The following HPR variants were observed in gnomAD, a reference collection of about 807,000 sequenced individuals.
The protein encoded by HPR is Haptoglobin-related locus.
HPR carries 17 observed loss-of-function variants against 18.5 expected under a neutral mutation model. That is an observed-to-expected ratio of 0.92 (90% CI 0.63 to 1.38). The LOEUF is 1.38. HPR is among the 40% of genes most tolerant of loss of function. HPR has a pLI of 0.00. For synonymous variants in HPR, 176 were observed against 165.0 expected, an observed-to-expected ratio of 1.07 and a Z score of -0.51; for missense variants, 457 against 432.4, an observed-to-expected ratio of 1.06 and a Z score of -0.51.
In HPR at chr16:72,075,129, T is replaced by C. The variant is rs985967804; in HGVS notation, c.194-16T>C. On this transcript the variant is annotated splice_polypyrimidine_tract_variant and intron_variant, in intron 3 of 4. Coordinates refer to ENST00000540303, the MANE Select transcript of HPR (RefSeq NM_020995.4). ...CTTGACTTTTCCTTTGGCTCATTTC[T>C]TGCCTTTTGTTTCAGGAGTATACAC... 11 of 967,040 alleles carry C rather than the reference T, an allele frequency of 1.1e-5. No homozygotes were observed. The highest frequency in any genetic ancestry group is 1.6e-5 in the Non-Finnish European group (10 of 610,340). The allele number at this position is 967,040 out of a possible 1,614,324, so 59.9% of individuals were successfully genotyped here.
Position 72,077,034 on chromosome 16 carries a change from G to A in HPR, c.1000G>A (p.Val334Met), listed in dbSNP as rs568705384. ...GGCTGAGTATGGTGTGTATGTGAAG[G>A]TGACTTCCATCCAGCACTGGGTTCA... ...AVAEYGVYVK[V>M]TSIQHWVQKT... The change falls in exon 5 of 5, where the codon GTG (valine) becomes ATG (methionine). Residue 334 changes from valine to methionine, a missense_variant. Val to Met is a conservative substitution (Grantham distance 21). Transcript: ENST00000540303. 64 of 1,614,018 alleles carry A rather than the reference G, an allele frequency of 4.0e-5. 3 individuals are homozygous for A. In the South Asian group the frequency reaches 5.6e-4, roughly 14 times the overall value.
chr16:72,070,151 T>A (rs1287506689), intron 1 of HPR, among the ~76,000 whole-genome samples: 1 of 152,220 alleles, frequency 6.6e-6, no homozygotes, highest in Non-Finnish European at 1.5e-5. Flanking sequence ...GGACTAAATG[T>A]CTTCCTATTG....
At position 72,076,614 on chromosome 16, in the gene HPR, C is replaced by T. The variant is rs773194202; in HGVS notation, c.580C>T (p.Leu194Phe). Residue 194 changes from leucine to phenylalanine, a missense_variant, in exon 5 of 5, where the codon CTC becomes TTC. By Grantham distance (22) the Leu-to-Phe change is conservative. Coordinates refer to ENST00000540303, the MANE Select transcript of HPR (RefSeq NM_020995.4). Reference sequence around the variant, plus strand: ...CCAGGTAGATATTGGGCTCATCAAACTCAAACAGAAGGTGCTTGTTAATGA... The same window carrying T: ...CCAGGTAGATATTGGGCTCATCAAATTCAAACAGAAGGTGCTTGTTAATGA... ...YHQVDIGLIK[L>F]KQKVLVNERV... The T allele has an allele frequency of 5.0e-6, 8 of 1,614,182 alleles. No individual in the cohort carries two copies. The highest frequency in any genetic ancestry group is 3.3e-4 in the Middle Eastern group (2 of 6,062).
chr16:72,069,512 G>A (rs2144066493), intron 1 of HPR, among the ~76,000 whole-genome samples: 1 of 152,200 alleles, frequency 6.6e-6, no homozygotes, highest in African/African-American at 2.4e-5. Context: ...AGGAGCCAAA[G>A]GAGAAGACCA....
At chr16:72,066,925 A>C (rs2041604368) in intron 1 of HPR, among the ~76,000 whole-genome samples, 1 of 152,192 alleles carries the variant, frequency 6.6e-6, no homozygotes, top group South Asian at 2.1e-4. Context: ...AAACTATAAA[A>C]GGTCCCAAGC....
intron 1 of HPR, among the ~76,000 whole-genome samples, chr16:72,072,357 A>C (rs1245572578): frequency 6.6e-6 from 1 of 152,196 alleles, no homozygotes; most frequent in Non-Finnish European, 1.5e-5. Flanking sequence ...CAGCTGAACA[A>C]TTAAGACCCA....
At chr16:72,068,032 C>G (rs753790671) in intron 1 of HPR, among the ~76,000 whole-genome samples, 5 of 152,200 alleles carry the variant, frequency 3.3e-5, no homozygotes, top group African/African-American at 1.2e-4. Flanking sequence ...TATCAATGGA[C>G]AGTCTTGCCT....
chr16:72,063,985 C>T (rs1261019401), intron 1 of HPR, among the ~76,000 whole-genome samples: 1 of 152,272 alleles, frequency 6.6e-6, no homozygotes, highest in East Asian at 1.9e-4. Flanking sequence ...CGTGATCCAC[C>T]TGTCTCGGCC....
intron 1 of HPR, among the ~76,000 whole-genome samples, chr16:72,068,194 C>T (rs116038214): frequency 0.031 from 4,678 of 151,294 alleles, 254 homozygotes; most frequent in African/African-American, 0.11. Context: ...GGCTTCTCTA[C>T]ACATATTTTT....
At chr16:72,064,703 T>G (rs2041579274) in intron 1 of HPR, among the ~76,000 whole-genome samples, 1 of 152,216 alleles carries the variant, frequency 6.6e-6, no homozygotes, top group Non-Finnish European at 1.5e-5. Context: ...AAAGTAAATT[T>G]GCCTTGCTGA....
chr16:72,066,969 A>G (rs1246461547), intron 1 of HPR, among the ~76,000 whole-genome samples: 4 of 152,206 alleles, frequency 2.6e-5, no homozygotes, highest in Admixed American at 6.5e-5. Context: ...CCAAACCTTC[A>G]GCTAGAGGAC....
intron 1 of HPR, among the ~76,000 whole-genome samples, chr16:72,067,757 C>T (rs1330902387): frequency 2.0e-5 from 3 of 152,244 alleles, no homozygotes; most frequent in Non-Finnish European, 4.4e-5. Flanking sequence ...TGTATGTCTC[C>T]TTATAACACC....
At chr16:72,075,358 A>G in intron 4 of HPR, 139 bp downstream of exon 4, 1 of 882,152 alleles carries the variant, frequency 1.1e-6, no homozygotes, top group South Asian at 1.7e-5. Context: ...GCAGCTGGCC[A>G]GGGAGAGACT....
chr16:72,074,208 C>G, intron 2 of HPR, 76 bp from the exon 3 acceptor site: 1 of 1,359,292 alleles, frequency 7.4e-7, no homozygotes, highest in South Asian at 1.2e-5. Flanking sequence ...AGAGCAGCTT[C>G]CACTCATCTG....
At position 72,065,649 on chromosome 16, in the gene HPR, T is replaced by C. The variant is rs368643611; in HGVS notation, c.5+2389T>C. On this transcript the variant is annotated intron_variant, in intron 1 of 4. Coordinates refer to ENST00000540303, the MANE Select transcript of HPR (RefSeq NM_020995.4). ...AACCCTCAATCTTCTGGCCAAAGTA[T>C]GGGTCGAATGAGGGTGTAATGAGTC... is the stretch of plus-strand genomic sequence containing the variant. Among the ~76,000 whole-genome samples, 71 of 152,276 alleles carry C rather than the reference T, an allele frequency of 4.7e-4. 1 individual carries two copies. In the South Asian group the frequency reaches 0.013, roughly 28 times the overall value.
At chr16:72,071,235 G>A (rs1391920635) in intron 1 of HPR, among the ~76,000 whole-genome samples, 1 of 152,158 alleles carries the variant, frequency 6.6e-6, no homozygotes, top group Non-Finnish European at 1.5e-5. Context: ...GGTTGTAAAG[G>A]TAAAAAATTT....
rs768056752 is a variant in HPR, at chr16:72,076,899, C to G, written c.865C>G (p.Gln289Glu). Residue 289 changes from glutamine to glutamate, a missense_variant, in exon 5 of 5, where the codon CAG (glutamine) becomes GAG (glutamate). Transcript: ENST00000540303. ...HTFCVGMSKYQEDTCYGDAGS... is the reference protein window; with the variant it reads ...HTFCVGMSKYEEDTCYGDAGS... ...CTTCTGTGTCGGCATGTCTAAGTAC[C>G]AGGAAGACACCTGCTATGGCGATGC... The G allele has an allele frequency of 6.2e-7, 1 of 1,614,108 alleles. No homozygotes were observed. Among genetic ancestry groups the G allele is most frequent in the Non-Finnish European group, 8.5e-7 (1 of 1,180,046 alleles).
At chr16:72,075,357 C>T (rs2041707283) in intron 4 of HPR, 138 bp downstream of exon 4, 2 of 865,474 alleles carry the variant, frequency 2.3e-6, no homozygotes, top group Non-Finnish European at 3.7e-6. Context: ...CGCAGCTGGC[C>T]AGGGAGAGAC....
intron 1 of HPR, among the ~76,000 whole-genome samples, chr16:72,070,459 A>C (rs1371390299): frequency 6.6e-6 from 1 of 152,158 alleles, no homozygotes; most frequent in Admixed American, 6.6e-5. Context: ...GAAGGACCCT[A>C]CTTGGTGCTC....
Sources: allele counts gnomAD v4.1 joint callset (sites outside exome capture counted in the v4.1 genomes callset), GRCh38; gene constraint gnomAD v4.1.1; transcripts MANE v1.5; gene names NCBI Gene and HGNC (gene_info 2026-07-23, HGNC 2026-07-21).